RGS7: variants seen among roughly 807,000 people sequenced by gnomAD.
RGS7 encodes regulator of G-protein signaling 7.
A neutral mutation model predicts 81.1 loss-of-function variants in RGS7; 27 were observed. The ratio of observed to expected loss-of-function variants is 0.33; its 90% CI spans 0.25 to 0.46. RGS7 has a LOEUF of 0.46. Among genes scored for constraint, RGS7 ranks in the 20% least tolerant of loss-of-function variants. RGS7 has a pLI of 1.00. For missense variants in RGS7, 396 were observed against 607.4 expected (o/e 0.65, Z 3.66); for synonymous variants, 208 against 207.7 (o/e 1.00, Z -0.01).
chr1:241,077,808 G>C (rs2062886690), intron 3 of RGS7, among the ~76,000 whole-genome samples: 1 of 152,176 alleles, frequency 6.6e-6, no homozygotes, highest in Non-Finnish European at 1.5e-5. Context: ...AAAAGAAAAA[G>C]AAAGCGTCTG....
intron 2 of RGS7, among the ~76,000 whole-genome samples, chr1:241,158,757 C>CTTTG (rs1370489719): frequency 6.6e-6 from 1 of 152,196 alleles, no homozygotes; most frequent in Non-Finnish European, 1.5e-5. Flanking sequence ...GAGTCAGTGG[C>CTTTG]TTTGACACAA....
At chr1:241,186,510 C>CATAT (rs199710247) in intron 2 of RGS7, 91 of 305,474 alleles carry the variant, frequency 3.0e-4, no homozygotes, top group African/African-American at 2.0e-3. Flanking sequence ...ATTTCCTAAC[C>CATAT]ATATATATAT....
intron 6 of RGS7, among the ~76,000 whole-genome samples, chr1:240,908,535 G>A (rs957948353): frequency 1.3e-5 from 2 of 151,990 alleles, no homozygotes; most frequent in Non-Finnish European, 2.9e-5. Flanking sequence ...CTACATTTAC[G>A]TAAAGGGGAG....
intron 2 of RGS7, among the ~76,000 whole-genome samples, chr1:241,341,269 A>C (rs1178415056): frequency 6.6e-6 from 1 of 152,190 alleles, no homozygotes; most frequent in Non-Finnish European, 1.5e-5. Flanking sequence ...TATCTTGAAC[A>C]ATGTGAGTCC....
intron 3 of RGS7, among the ~76,000 whole-genome samples, chr1:241,063,883 C>T (rs1191456596): frequency 6.6e-6 from 1 of 152,136 alleles, no homozygotes; most frequent in East Asian, 1.9e-4. Context: ...GACACTGCCA[C>T]ATGAAGGAAA....
chr1:240,945,742 T>C (rs1263165701), intron 4 of RGS7, among the ~76,000 whole-genome samples: 2 of 152,224 alleles, frequency 1.3e-5, no homozygotes, highest in African/African-American at 4.8e-5. Flanking sequence ...GAAAAGTGTG[T>C]AGGACGTCAG....
intron 2 of RGS7, among the ~76,000 whole-genome samples, chr1:241,285,943 A>G (rs191309864): frequency 1.3e-5 from 2 of 152,294 alleles, no homozygotes; most frequent in African/African-American, 4.8e-5. Flanking sequence ...CACATCCCTT[A>G]TTTTTGAAAA....
At chr1:241,050,248 G>A (rs1336799060) in intron 3 of RGS7, among the ~76,000 whole-genome samples, 2 of 127,920 alleles carry the variant, frequency 1.6e-5, no homozygotes, top group Non-Finnish European at 3.5e-5. Context: ...CTCAAGGGGT[G>A]CCTGAGGGGT....
rs903927921 is a variant in RGS7, at chr1:241,349,776, A to G, written c.78+5923T>C. ...GTCATGAAGTGGAAAGCAAGGGCCA[A>G]TTATTTGTGTTGCTCGTTTTCCACA... On this transcript the variant is annotated intron_variant, in intron 2 of 18. Coordinates refer to ENST00000440928, the MANE Select transcript of RGS7 (RefSeq NM_001364886.1). Among the ~76,000 whole-genome samples, 3 of 152,206 alleles carry G rather than the reference A, an allele frequency of 2.0e-5. No individual in the cohort carries two copies. In the East Asian group the frequency reaches 5.8e-4, roughly 29 times the overall value.
At chr1:241,177,315 G>A (rs2071228822) in intron 2 of RGS7, among the ~76,000 whole-genome samples, 1 of 152,152 alleles carries the variant, frequency 6.6e-6, no homozygotes, top group Admixed American at 6.5e-5. Flanking sequence ...AAGCACATCT[G>A]ATGGAGAGAG....
At chr1:240,896,955 T>C (rs1351932423) in intron 6 of RGS7, among the ~76,000 whole-genome samples, 1 of 152,210 alleles carries the variant, frequency 6.6e-6, no homozygotes, top group Non-Finnish European at 1.5e-5. Context: ...CTTCTTTTAT[T>C]TCGTTGAGCA....
intron 4 of RGS7, among the ~76,000 whole-genome samples, chr1:240,937,717 A>C (rs1329189081): frequency 6.6e-6 from 1 of 152,194 alleles, no homozygotes; most frequent in East Asian, 1.9e-4. Context: ...TAGTACCATC[A>C]GTAATGTTTC....
intron 2 of RGS7, among the ~76,000 whole-genome samples, chr1:241,280,095 A>G (rs1441954949): frequency 6.6e-6 from 1 of 152,224 alleles, no homozygotes; most frequent in East Asian, 1.9e-4. Context: ...ACTTGGAAAT[A>G]GAGTTGTTGC....
chr1:241,095,349 G>A (rs977431211), intron 3 of RGS7, among the ~76,000 whole-genome samples: 1 of 152,058 alleles, frequency 6.6e-6, no homozygotes, highest in Non-Finnish European at 1.5e-5. Flanking sequence ...GTGATGTTTT[G>A]ATACAAATAA....
chr1:241,306,567 T>C (rs1354889828), intron 2 of RGS7, among the ~76,000 whole-genome samples: 1 of 149,620 alleles, frequency 6.7e-6, no homozygotes, highest in Non-Finnish European at 1.5e-5. Flanking sequence ...CATACACATA[T>C]GTCCACACAC....
At chr1:240,810,190 T>A (rs1052537437) in intron 14 of RGS7, among the ~76,000 whole-genome samples, 1 of 152,160 alleles carries the variant, frequency 6.6e-6, no homozygotes, top group African/African-American at 2.4e-5. Flanking sequence ...TTCTCCCAAC[T>A]AAACACCCAT....
chr1:240,793,156 T>C (rs371862357), intron 18 of RGS7, among the ~76,000 whole-genome samples: 1 of 152,092 alleles, frequency 6.6e-6, no homozygotes, highest in South Asian at 2.1e-4. Context: ...ACAGCATTCC[T>C]TAGGAACCCC....
chr1:241,205,076 ATTTTT>A (rs10649310), intron 2 of RGS7, among the ~76,000 whole-genome samples: 1 of 126,026 alleles, frequency 7.9e-6, no homozygotes, highest in African/African-American at 3.0e-5. Context: ...TTCATTTGTG[ATTTTT>A]TTTTTTTTTT....
intron 3 of RGS7, among the ~76,000 whole-genome samples, chr1:241,065,229 AATAT>A (rs1425431454): frequency 7.0e-6 from 1 of 141,986 alleles, no homozygotes; most frequent in African/African-American, 2.8e-5. Flanking sequence ...ATTATCTTTT[AATAT>A]ATATTAAAAG....
Sources: allele counts gnomAD v4.1 joint callset (sites outside exome capture counted in the v4.1 genomes callset), GRCh38; gene constraint gnomAD v4.1.1; transcripts MANE v1.5; gene names NCBI Gene and HGNC (gene_info 2026-07-23, HGNC 2026-07-21).